SMAD3: variants seen among roughly 807,000 people sequenced by gnomAD.
SMAD3 encodes the protein SMAD family member 3.
In SMAD3, 12 loss-of-function variants were observed where a neutral mutation model predicts 51.8. That is an observed-to-expected ratio of 0.23 (90% CI 0.15 to 0.38). The LOEUF is 0.38. SMAD3 is among the 10% of genes least tolerant of loss of function. SMAD3 has a pLI of 1.00. For missense variants in SMAD3, 294 were observed against 565.6 expected, an observed-to-expected ratio of 0.52 and a Z score of 4.87; for synonymous variants, 238 against 227.7, an observed-to-expected ratio of 1.05 and a Z score of -0.41.
chr15:67,147,471 G>T (rs1161305331), intron 1 of SMAD3, among the ~76,000 whole-genome samples: 1 of 152,096 alleles, frequency 6.6e-6, no homozygotes, highest in African/African-American at 2.4e-5. Context: ...CAACATAGGA[G>T]CTCACTCAGA....
chr15:67,175,090 A>C (rs559003369), intron 5 of SMAD3, among the ~76,000 whole-genome samples: 16 of 152,292 alleles, frequency 1.1e-4, no homozygotes, highest in African/African-American at 3.8e-4. Flanking sequence ...TAGGCATTTA[A>C]GGCGGAAGGA....
intron 1 of SMAD3, among the ~76,000 whole-genome samples, chr15:67,074,401 T>C (rs1044451201): frequency 1.3e-5 from 2 of 152,254 alleles, no homozygotes; most frequent in African/African-American, 4.8e-5. Flanking sequence ...TGTTTGCTCA[T>C]ATGTCAAAGT....
At chr15:67,075,285 A>G (rs1383494314) in intron 1 of SMAD3, among the ~76,000 whole-genome samples, 2 of 151,942 alleles carry the variant, frequency 1.3e-5, no homozygotes, top group Admixed American at 1.3e-4. Context: ...ACTTTTTCTT[A>G]CCCTTATTGA....
chr15:67,110,127 A>G (rs2140233088), intron 1 of SMAD3, among the ~76,000 whole-genome samples: 1 of 152,354 alleles, frequency 6.6e-6, no homozygotes, highest in East Asian at 1.9e-4. Context: ...TCGTCAGTGA[A>G]TGAAATAATT....
In SMAD3 at chr15:67,095,010, C is replaced by G. The variant is rs114636113; in HGVS notation, c.206+28650C>G. 3.0e-3 allele frequency among the ~76,000 whole-genome samples: 460 copies of G among 152,302 alleles called. 3 individuals are homozygous for G. The highest frequency in any genetic ancestry group is 0.011 in the African/African-American group (448 of 41,562). ...AGTTTCTCCAGCAGTAAAATGTTAC[C>G]TGTCTGTTAGGGTTGTAAGATTGAG... On this transcript the variant is annotated intron_variant, in intron 1 of 8. Coordinates refer to ENST00000327367, the MANE Select transcript of SMAD3 (RefSeq NM_005902.4).
Position 67,184,882 on chromosome 15 carries a change from G to T in SMAD3, c.1009+18G>T. The T allele has an allele frequency of 1.9e-6, 3 of 1,612,290 alleles. No individual in the cohort carries two copies. Among genetic ancestry groups the T allele is most frequent in the Non-Finnish European group, 2.5e-6 (3 of 1,179,934 alleles). ...CCCACCAGGTAAACGAGCCGCACAGGCACCCCTGCCTTGAGGTCCCTCTCC... is the reference window on the plus strand; with the variant it reads ...CCCACCAGGTAAACGAGCCGCACAGTCACCCCTGCCTTGAGGTCCCTCTCC... On this transcript the variant is annotated intron_variant, in intron 7 of 8. Coordinates refer to ENST00000327367, the MANE Select transcript of SMAD3 (RefSeq NM_005902.4).
In SMAD3 at chr15:67,192,577, A is replaced by G. The variant is rs1268849731; in HGVS notation, c.*2041A>G. 2 of 233,266 alleles carry G rather than the reference A, an allele frequency of 8.6e-6. No individual in the cohort carries two copies. The highest frequency in any genetic ancestry group is 5.6e-5 in the Admixed American group (1 of 17,782). 14.4% of individuals were successfully genotyped at this position (233,266 alleles called of 1,614,324 possible). A position where few individuals can be genotyped will look rare whatever the true frequency, so the allele number is the denominator to read the frequency against. ...CATTTTGGCTTCTGCTAGAGCAGTC[A>G]TGGTTCCTCTCCTAAAAGCCATGGG... On this transcript the variant is annotated 3_prime_UTR_variant, in exon 9 of 9. Transcript: ENST00000327367.
intron 7 of SMAD3, among the ~76,000 whole-genome samples, chr15:67,185,231 C>G (rs79913183): frequency 6.6e-6 from 1 of 152,174 alleles, no homozygotes; most frequent in Non-Finnish European, 1.5e-5. Context: ...GCTCTGCCCC[C>G]GCAGACCTTA....
chr15:67,103,769 A>C (rs1237252145), intron 1 of SMAD3, among the ~76,000 whole-genome samples: 1 of 152,232 alleles, frequency 6.6e-6, no homozygotes, highest in East Asian at 1.9e-4. Context: ...GTTTCCTCCA[A>C]CTGTCAGTGC....
intron 1 of SMAD3, among the ~76,000 whole-genome samples, chr15:67,162,275 G>C (rs1962451243): frequency 6.6e-6 from 1 of 152,188 alleles, no homozygotes; most frequent in African/African-American, 2.4e-5. Flanking sequence ...GTCATAAGAA[G>C]GCACAGAGGG....
At chr15:67,096,438 G>C (rs1462675714) in intron 1 of SMAD3, among the ~76,000 whole-genome samples, 1 of 152,116 alleles carries the variant, frequency 6.6e-6, no homozygotes, top group Non-Finnish European at 1.5e-5. Flanking sequence ...CTAGTTAAAG[G>C]CTTTTTATAT....
At chr15:67,188,792 G>A (rs1963288966) in intron 8 of SMAD3, among the ~76,000 whole-genome samples, 2 of 152,250 alleles carry the variant, frequency 1.3e-5, no homozygotes, top group South Asian at 2.1e-4. Flanking sequence ...TTGGGCCACC[G>A]TTTGTAATGA....
At chr15:67,120,907 T>C (rs1961244707) in intron 1 of SMAD3, among the ~76,000 whole-genome samples, 1 of 152,148 alleles carries the variant, frequency 6.6e-6, no homozygotes, top group South Asian at 2.1e-4. Flanking sequence ...GTTAGCGTAT[T>C]TTATGTGTGG....
chr15:67,147,888 G>A lies in SMAD3; in HGVS notation c.207-17007G>A, dbSNP rs538704191. Among the ~76,000 whole-genome samples, 50 of 152,284 alleles carry A rather than the reference G, an allele frequency of 3.3e-4. 1 individual carries two copies. The highest frequency in any genetic ancestry group is 1.2e-3 in the African/African-American group (48 of 41,544). The stretch of plus-strand genomic sequence containing the variant: ...CCACTGTTTAGTTGATGTTGGCGTC[G>A]GGTTTGGGGCTTACTTGGCTTTTGT... On this transcript the variant is annotated intron_variant, in intron 1 of 8. Coordinates refer to ENST00000327367, the MANE Select transcript of SMAD3 (RefSeq NM_005902.4).
chr15:67,194,279 T>C lies in SMAD3; in HGVS notation c.*3743T>C, dbSNP rs757935047. The C allele has an allele frequency of 5.1e-5, 12 of 233,228 alleles. No homozygotes were observed. Among genetic ancestry groups the C allele is most frequent in the Admixed American group, 1.1e-4 (2 of 17,778 alleles). The allele number at this position is 233,228 out of a possible 1,614,324, so 14.4% of individuals were successfully genotyped here. On this transcript the variant is annotated 3_prime_UTR_variant, in exon 9 of 9. Transcript: ENST00000327367. ...TCTTCACAATGTATTTTCATCACAG[T>C]TTAAGGAGCATCAGCCGCTTCTCAA... is the stretch of plus-strand genomic sequence containing the variant.
intron 1 of SMAD3, among the ~76,000 whole-genome samples, chr15:67,115,269 G>C (rs1216181123): frequency 1.3e-5 from 2 of 151,372 alleles, no homozygotes; most frequent in South Asian, 4.2e-4. Flanking sequence ...TTTTCCCACG[G>C]AAGCAGAATC....
intron 1 of SMAD3, among the ~76,000 whole-genome samples, chr15:67,087,343 G>A (rs541237286): frequency 6.6e-6 from 1 of 152,276 alleles, no homozygotes; most frequent in South Asian, 2.1e-4. Context: ...TGCAAGTGGG[G>A]GGGTGTTCTT....
chr15:67,075,783 C>T (rs551061466), intron 1 of SMAD3, among the ~76,000 whole-genome samples: 10 of 151,992 alleles, frequency 6.6e-5, no homozygotes, highest in East Asian at 1.9e-4. Flanking sequence ...GGCATGGTAG[C>T]GGGCGCCTGT....
At chr15:67,111,168 G>A (rs1961004753) in intron 1 of SMAD3, among the ~76,000 whole-genome samples, 1 of 152,058 alleles carries the variant, frequency 6.6e-6, no homozygotes, top group South Asian at 2.1e-4. Context: ...ATCCCCCTTA[G>A]CCCTGGCAAC....
Sources: gnomAD v4.1 joint callset for allele counts (sites outside exome capture counted in the v4.1 genomes callset) on GRCh38, gnomAD v4.1.1 for gene constraint, MANE v1.5 for transcripts, NCBI Gene and HGNC (gene_info 2026-07-23, HGNC 2026-07-21) for gene names.